Variants in PTGR2 observed in about 807,000 individuals in gnomAD.
PTGR2 encodes the protein prostaglandin reductase 2.
Under a neutral mutation model 43.4 loss-of-function variants are expected in PTGR2, and 32 were observed. The ratio of observed to expected loss-of-function variants is 0.74; its 90% CI spans 0.56 to 0.99. PTGR2 has a LOEUF of 0.99. Among genes scored for constraint, PTGR2 ranks in the 50% least tolerant of loss-of-function variants. The pLI, the probability that PTGR2 is intolerant of heterozygous loss-of-function variation, is 0.00. For synonymous variants in PTGR2, 106 were observed against 139.2 expected (o/e 0.76, Z 1.68); for missense variants, 373 against 420.0 (o/e 0.89, Z 0.98).
intron 1 of PTGR2, chr14:73,858,142 T>C (rs1161742710): frequency 6.6e-6 from 1 of 152,184 alleles, no homozygotes; most frequent in East Asian, 1.9e-4. Flanking sequence ...TCAGGTGATA[T>C]AACTCACTAC....
chr14:73,858,978 G>A (rs1051486225), intron 2 of PTGR2, 79 bp downstream of exon 2: 2 of 1,126,742 alleles, frequency 1.8e-6, no homozygotes, highest in African/African-American at 1.5e-5. Context: ...CTAATGTGAT[G>A]TTCATGTGGT....
chr14:73,861,433 T>A (rs1758524044), intron 3 of PTGR2: 1 of 152,176 alleles, frequency 6.6e-6, no homozygotes, highest in Non-Finnish European at 1.5e-5. Context: ...TTATGTCAAT[T>A]TACCCCCTGC....
chr14:73,884,114 CATG>C lies in PTGR2; in HGVS notation c.998_1000del (p.Met333del). ...CTCTTTTTCCAGCTGCATTCCAGTCCATGATGACAGGAGGTAACATTGGAAAGC... is the reference window on the plus strand; with the variant it reads ...CTCTTTTTCCAGCTGCATTCCAGTCCATGACAGGAGGTAACATTGGAAAGC... On this transcript the variant is annotated inframe_deletion, in exon 10 of 10. Coordinates refer to ENST00000555661, the MANE Select transcript of PTGR2 (RefSeq NM_001146154.2). 6.2e-7 allele frequency: 1 copy of C among 1,604,398 alleles called. No homozygotes were observed. The highest frequency in any genetic ancestry group is 8.5e-7 in the Non-Finnish European group (1 of 1,174,804).
chr14:73,883,900 A>G (rs1247140032), intron 9 of PTGR2, among the ~76,000 whole-genome samples: 1 of 152,202 alleles, frequency 6.6e-6, no homozygotes, highest in African/African-American at 2.4e-5. Context: ...GTATGGGCAA[A>G]ACATTTTTTT....
intron 1 of PTGR2, among the ~76,000 whole-genome samples, chr14:73,857,664 G>GTTTTTTTTT (rs1213963564): frequency 0.17 from 11,124 of 64,542 alleles, 2,826 homozygotes; most frequent in Non-Finnish European, 0.23. Context: ...AGCAGTTAGT[G>GTTTTTTTTT]TTTTTTTTTT....
Position 73,877,142 on chromosome 14 carries a change from G to C in PTGR2, c.493G>C (p.Gly165Arg). 1 of 1,613,562 alleles carries C rather than the reference G, an allele frequency of 6.2e-7. No homozygotes were observed. The highest frequency in any genetic ancestry group is 8.5e-7 in the Non-Finnish European group (1 of 1,179,744). Residue 165 changes from glycine (G) to arginine (R), a missense_variant, in exon 5 of 10, where the codon GGT becomes CGT. Physicochemically the swap from Gly to Arg is moderately radical, Grantham distance 125. Coordinates refer to ENST00000555661, the MANE Select transcript of PTGR2 (RefSeq NM_001146154.2). ...NKTMVVSGAA[G>R]ACGSVAGQIG... is the part of the protein sequence containing the mutation. ...GACAATGGTTGTCAGTGGGGCCGCA[G>C]GTGCCTGTGGATCTGTGGCTGGGCA... is the stretch of plus-strand genomic sequence containing the variant.
intron 3 of PTGR2, among the ~76,000 whole-genome samples, chr14:73,873,674 G>A (rs1462586073): frequency 2.0e-5 from 3 of 151,954 alleles, no homozygotes; most frequent in Admixed American, 6.6e-5. Flanking sequence ...ATGTTGGCCA[G>A]GCTGTTCTTG....
chr14:73,873,937 T>C, intron 3 of PTGR2, 86 bp from the exon 4 acceptor site: 1 of 981,246 alleles, frequency 1.0e-6, no homozygotes, highest in Non-Finnish European at 1.5e-6. Context: ...AATATATTAC[T>C]CATTATATGC....
chr14:73,877,640 TCTTA>T lies in PTGR2; in HGVS notation c.519+475_519+478del, dbSNP rs570822648. 70 of 152,398 alleles carry T rather than the reference TCTTA, an allele frequency of 4.6e-4. No individual in the cohort carries two copies. In the South Asian group the frequency reaches 0.014, roughly 30 times the overall value. The allele number at this position is 152,398 out of a possible 1,614,324, so 9.4% of individuals were successfully genotyped here. ...TTTTTTTTTTTACCTACTTAGACTC[TCTTA>T]CTAACAGTATGAAAAATGTAGATTT... On this transcript the variant is annotated intron_variant, in intron 5 of 9. Coordinates refer to ENST00000555661, the MANE Select transcript of PTGR2 (RefSeq NM_001146154.2).
At chr14:73,870,022 G>T (rs1478952875) in intron 3 of PTGR2, among the ~76,000 whole-genome samples, 1 of 129,666 alleles carries the variant, frequency 7.7e-6, no homozygotes, top group Non-Finnish European at 1.7e-5. Flanking sequence ...CAGAGACTCC[G>T]TCTCAGAGAG....
At chr14:73,871,951 A>G (rs1339196387) in intron 3 of PTGR2, among the ~76,000 whole-genome samples, 1 of 152,158 alleles carries the variant, frequency 6.6e-6, no homozygotes, top group Non-Finnish European at 1.5e-5. Context: ...AAGCAAATGT[A>G]TTCTTACAGA....
At chr14:73,870,572 T>G (rs1672238708) in intron 3 of PTGR2, among the ~76,000 whole-genome samples, 1 of 152,186 alleles carries the variant, frequency 6.6e-6, no homozygotes, top group South Asian at 2.1e-4. Context: ...AAATTAATCA[T>G]TATGTGTACA....
chr14:73,880,501 G>C (rs562063477), intron 7 of PTGR2, among the ~76,000 whole-genome samples: 1 of 151,584 alleles, frequency 6.6e-6, no homozygotes, highest in South Asian at 2.1e-4. Context: ...CTTGAACCTG[G>C]GAGGTGGAGG....
At chr14:73,870,708 C>A (rs1021539341) in intron 3 of PTGR2, among the ~76,000 whole-genome samples, 2 of 151,992 alleles carry the variant, frequency 1.3e-5, no homozygotes, top group African/African-American at 4.8e-5. Flanking sequence ...CCAGTCTGGT[C>A]TCAAAGTCCT....
chr14:73,877,923 C>T (rs2054899979), intron 5 of PTGR2: 1 of 152,182 alleles, frequency 6.6e-6, no homozygotes, highest in Non-Finnish European at 1.5e-5. Context: ...TTTGGGAGGC[C>T]AACTTGGCAG....
intron 1 of PTGR2, among the ~76,000 whole-genome samples, chr14:73,857,524 G>T (rs2054376572): frequency 6.6e-6 from 1 of 151,824 alleles, no homozygotes; most frequent in Non-Finnish European, 1.5e-5. Context: ...TGAGGCAGGA[G>T]AATTGTTTGA....
At chr14:73,881,160 T>C in intron 7 of PTGR2, 45 bp from the exon 8 acceptor site, 1 of 1,152,074 alleles carries the variant, frequency 8.7e-7, no homozygotes, top group Non-Finnish European at 1.3e-6. Context: ...GGAATACCAC[T>C]CCCGTTATAT....
In PTGR2 at chr14:73,879,323, A is replaced by G. The variant is rs768303944; in HGVS notation, c.729+18A>G. 1.2e-6 allele frequency: 2 copies of G among 1,608,606 alleles called. No homozygotes were observed. Among genetic ancestry groups the G allele is most frequent in the Non-Finnish European group, 1.7e-6 (2 of 1,175,370 alleles). On this transcript the variant is annotated intron_variant, in intron 6 of 9. Transcript: ENST00000555661. ...TAAGTCAGGTTGTTTGCTGATTTCT[A>G]TAACAAATTTGAATACTGCACTTTA...
chr14:73,853,523 G>T (rs987737692), intron 1 of PTGR2, among the ~76,000 whole-genome samples: 1 of 151,764 alleles, frequency 6.6e-6, no homozygotes, highest in Admixed American at 6.6e-5. Context: ...GGGTTTCGCC[G>T]TTTTGTCGGA....
Sources: gnomAD v4.1 joint callset for allele counts (sites outside exome capture counted in the v4.1 genomes callset) on GRCh38, gnomAD v4.1.1 for gene constraint, MANE v1.5 for transcripts, NCBI Gene and HGNC (gene_info 2026-07-23, HGNC 2026-07-21) for gene names.